GATM: variants seen among roughly 807,000 people sequenced by gnomAD.
The protein encoded by GATM is glycine amidinotransferase, mitochondrial.
In GATM, 23 loss-of-function variants were observed where a neutral mutation model predicts 54.2. The ratio of observed to expected loss-of-function variants is 0.42; its 90% CI spans 0.31 to 0.60. GATM has a LOEUF of 0.60. Among genes scored for constraint, GATM ranks in the 20% least tolerant of loss-of-function variants. The pLI, the probability that GATM is intolerant of heterozygous loss-of-function variation, is 0.14. For synonymous variants in GATM, 168 were observed against 183.1 expected, an observed-to-expected ratio of 0.92 and a Z score of 0.67; for missense variants, 401 against 544.9, an observed-to-expected ratio of 0.74 and a Z score of 2.63.
chr15:45,369,453 A>G lies in GATM; in HGVS notation c.357T>C (p.His119=), dbSNP rs2140646869. The G allele has an allele frequency of 5.0e-6, 8 of 1,614,182 alleles. No homozygotes were observed. The highest frequency in any genetic ancestry group is 1.3e-5 in the African/African-American group (1 of 75,050). ...CAATTTCAGCAACAGCCTTTTTCAA[A>G]TGATCTTTGGGAAAATAATGCCCTC... ...KQGGHYFPKD[H]LKKAVAEIEE... is the part of the protein sequence containing the mutation. Residue 119 remains histidine (H), a synonymous_variant, in exon 3 of 9, where the codon CAT becomes CAC. Transcript: ENST00000396659.
chr15:45,361,733 A>G lies in GATM; in HGVS notation c.*376T>C, dbSNP rs2140635217. 2.1e-6 allele frequency: 1 copy of G among 478,450 alleles called. No individual in the cohort carries two copies. The highest frequency in any genetic ancestry group is 3.6e-6 in the Non-Finnish European group (1 of 274,072). The allele number at this position is 478,450 out of a possible 1,614,324, so 29.6% of individuals were successfully genotyped here. ...GAGAAAAACATTCTCAAGTCTATAG[A>G]AGAGGAAAAAAAATTAAGATTAGGA... On this transcript the variant is annotated 3_prime_UTR_variant, in exon 9 of 9. Transcript: ENST00000396659.
At chr15:45,401,398 G>C (rs1054578758) in intron 1 of GATM, among the ~76,000 whole-genome samples, 21 of 152,178 alleles carry the variant, frequency 1.4e-4, no homozygotes, top group Non-Finnish European at 7.4e-5. Flanking sequence ...GGGTTGCAGT[G>C]AAAGTGGGGA....
intron 3 of GATM, among the ~76,000 whole-genome samples, chr15:45,395,486 T>C (rs1042041456): frequency 1.1e-4 from 17 of 152,000 alleles, no homozygotes; most frequent in Admixed American, 7.9e-4. Flanking sequence ...GGAACAAAAA[T>C]TATAAAAGAT....
intron 3 of GATM, among the ~76,000 whole-genome samples, chr15:45,384,104 A>C (rs1234937391): frequency 6.6e-6 from 1 of 152,218 alleles, no homozygotes. Context: ...TGAGCCCTTA[A>C]CTTCTAGGAC....
chr15:45,375,777 T>G (rs1889621843), intron 2 of GATM, among the ~76,000 whole-genome samples: 4 of 144,568 alleles, frequency 2.8e-5, no homozygotes, highest in Admixed American at 6.9e-5. Context: ...ATGCGGGGGG[T>G]GGTGGGGTAG....
At chr15:45,363,799 T>A (rs1889403526) in intron 8 of GATM, 101 bp downstream of exon 8, 1 of 768,982 alleles carries the variant, frequency 1.3e-6, no homozygotes, top group East Asian at 2.5e-5. Context: ...GAATCAAAAT[T>A]GAATTAGACA....
At chr15:45,366,733 C>T (rs1889455524) in intron 4 of GATM, among the ~76,000 whole-genome samples, 1 of 152,206 alleles carries the variant, frequency 6.6e-6, no homozygotes, top group South Asian at 2.1e-4. Flanking sequence ...CAACAGTCCT[C>T]CTTTACCCAT....
At position 45,366,517 on chromosome 15, in the gene GATM, A is replaced by G; in HGVS notation, c.676-9T>C. On this transcript the variant is annotated splice_polypyrimidine_tract_variant and intron_variant, in intron 4 of 8. Transcript: ENST00000396659. Reference sequence around the variant, plus strand: ...GAGTGGATGGGATAATCCTAATTGGAACAAGAATGAACACACACAATGCAC... The same window carrying G: ...GAGTGGATGGGATAATCCTAATTGGGACAAGAATGAACACACACAATGCAC... The G allele has an allele frequency of 6.2e-7, 1 of 1,613,804 alleles. No homozygotes were observed.
intron 7 of GATM, 189 bp downstream of exon 7, chr15:45,364,608 A>G: frequency 1.7e-6 from 1 of 590,648 alleles, no homozygotes; most frequent in South Asian, 2.1e-5. Flanking sequence ...TTCATTTTCT[A>G]TGGATGAAAA....
Position 45,362,234 on chromosome 15 carries a change from AGAGAT to A in GATM, c.1160-18_1160-14del, listed in dbSNP as rs760952427. On this transcript the variant is annotated splice_polypyrimidine_tract_variant and intron_variant, in intron 8 of 8. Transcript: ENST00000396659. ...ATGGTAGTGATACCTGCATTGAAAG[AGAGAT>A]GAGGTCAGTTAGATGGACTAACATG... is the stretch of plus-strand genomic sequence containing the variant. The A allele has an allele frequency of 2.7e-6, 4 of 1,478,386 alleles. No homozygotes were observed. The allele number at this position is 1,478,386 out of a possible 1,614,324, so 91.6% of individuals were successfully genotyped here. A position where few individuals can be genotyped will look rare whatever the true frequency, so the allele number is the denominator to read the frequency against.
At chr15:45,381,776 A>G (rs1889743762), upstream of GATM, among the ~76,000 whole-genome samples, 1 of 152,262 alleles carries the variant, frequency 6.6e-6, no homozygotes, top group South Asian at 2.1e-4. Flanking sequence ...TAAATTAGAA[A>G]CAATAATGTA....
At chr15:45,379,415 G>A (rs1889702707), upstream of GATM, 1 of 152,042 alleles carries the variant, frequency 6.6e-6, no homozygotes, top group South Asian at 2.1e-4. Context: ...CATTTTTGAT[G>A]AGCTGTCTTT....
intron 1 of GATM, chr15:45,378,152 G>C (rs1273450809): frequency 4.2e-6 from 2 of 475,020 alleles, no homozygotes; most frequent in African/African-American, 2.1e-5. Flanking sequence ...CCAAGGGCTG[G>C]AGCCGCAACG....
intron 3 of GATM, among the ~76,000 whole-genome samples, chr15:45,395,806 T>A (rs1449474766): frequency 1.3e-5 from 2 of 152,180 alleles, no homozygotes; most frequent in African/African-American, 4.8e-5. Flanking sequence ...GTGCTCTGGA[T>A]GTCATTCCCT....
intron 2 of GATM, among the ~76,000 whole-genome samples, chr15:45,373,974 G>A (rs529590114): frequency 2.6e-5 from 4 of 152,168 alleles, no homozygotes; most frequent in Admixed American, 6.5e-5. Context: ...CACCGACAAA[G>A]TACCTTTGGA....
chr15:45,365,945 T>C, intron 6 of GATM, 101 bp downstream of exon 6: 1 of 1,122,184 alleles, frequency 8.9e-7, no homozygotes, highest in South Asian at 1.3e-5. Flanking sequence ...GAATCTGTCA[T>C]TTAGAACCAT....
At chr15:45,391,253 A>AC (rs1889870785) in intron 3 of GATM, among the ~76,000 whole-genome samples, 1 of 137,750 alleles carries the variant, frequency 7.3e-6, no homozygotes, top group Admixed American at 6.7e-5. Flanking sequence ...AAAAATACAA[A>AC]AAAAAAAAAA....
chr15:45,367,340 C>CAA (rs199666485), intron 4 of GATM, among the ~76,000 whole-genome samples: 1 of 138,778 alleles, frequency 7.2e-6, no homozygotes, highest in Non-Finnish European at 1.6e-5. Context: ...GACTCCATCT[C>CAA]AAAAAAAAAA....
chr15:45,387,214 G>A (rs1889813850), intron 3 of GATM, among the ~76,000 whole-genome samples: 2 of 152,168 alleles, frequency 1.3e-5, no homozygotes, highest in African/African-American at 4.8e-5. Flanking sequence ...CATTTCAGGG[G>A]ACAGATTTCA....
Sources: allele counts gnomAD v4.1 joint callset (sites outside exome capture counted in the v4.1 genomes callset), GRCh38; gene constraint gnomAD v4.1.1; transcripts MANE v1.5; gene names NCBI Gene and HGNC (gene_info 2026-07-23, HGNC 2026-07-21).